CCL28: variants seen among roughly 807,000 people sequenced by gnomAD.
CCL28 encodes the protein C-C motif chemokine 28.
Under a neutral mutation model 7.1 loss-of-function variants are expected in CCL28, and 4 were observed. The observed-to-expected ratio is 0.56, with a 90% CI of 0.28 to 1.29. The LOEUF is 1.29. CCL28 is among the 50% of genes most tolerant of loss of function. The probability of loss-of-function intolerance (pLI) is 0.11; values close to 1 mark genes in which losing one functional copy is unlikely to be tolerated. For synonymous variants in CCL28, 55 were observed against 57.8 expected, an observed-to-expected ratio of 0.95 and a Z score of 0.22; for missense variants, 151 against 163.4, an observed-to-expected ratio of 0.92 and a Z score of 0.41.
intron 1 of CCL28, among the ~76,000 whole-genome samples, chr5:43,395,268 C>CA (rs1740752046): frequency 6.6e-6 from 1 of 151,274 alleles, no homozygotes; most frequent in African/African-American, 2.4e-5. Context: ...ATTTTATCCA[C>CA]AATTTCTACT....
intron 1 of CCL28, among the ~76,000 whole-genome samples, chr5:43,399,253 A>G (rs77568953): frequency 0.011 from 1,626 of 152,162 alleles, 14 homozygotes; most frequent in Non-Finnish European, 0.015. Flanking sequence ...ATTTTCCTTA[A>G]CACTTTTCAG....
chr5:43,371,233 T>A, the CCL28 span, among the ~76,000 whole-genome samples: 324 of 152,286 alleles, frequency 2.1e-3, 2 homozygotes, highest in African/African-American at 7.4e-3. Flanking sequence ...CACTACCTTC[T>A]CCCCAGAGTA....
chr5:43,403,376 C>T (rs1028923190), intron 1 of CCL28, among the ~76,000 whole-genome samples: 5 of 152,162 alleles, frequency 3.3e-5, no homozygotes, highest in Admixed American at 6.5e-5. Context: ...CTGCAGCCTC[C>T]GCTGGTGATA....
intron 1 of CCL28, among the ~76,000 whole-genome samples, chr5:43,406,296 A>C (rs1374336601): frequency 6.6e-6 from 1 of 152,094 alleles, no homozygotes; most frequent in African/African-American, 2.4e-5. Flanking sequence ...AAGCTTATCC[A>C]CCATGATCAA....
chr5:43,398,204 A>G (rs1740891711), intron 1 of CCL28, among the ~76,000 whole-genome samples: 1 of 135,164 alleles, frequency 7.4e-6, no homozygotes. Context: ...TACAATTAGC[A>G]ATTAGCAGAC....
At chr5:43,372,371 G>A (rs1353974237), downstream of CCL28, among the ~76,000 whole-genome samples, 3 of 152,008 alleles carry the variant, frequency 2.0e-5, no homozygotes, top group Admixed American at 6.6e-5. Flanking sequence ...TTTTTGTTTT[G>A]TTTGTTTGTT....
downstream of CCL28, among the ~76,000 whole-genome samples, chr5:43,374,706 A>G (rs1270206895): frequency 1.3e-5 from 2 of 150,034 alleles, no homozygotes; most frequent in Non-Finnish European, 3.0e-5. Context: ...GCTTGAACCT[A>G]GGAGGTGAAG....
the CCL28 span, among the ~76,000 whole-genome samples, chr5:43,370,941 C>A: frequency 6.6e-6 from 1 of 152,182 alleles, no homozygotes; most frequent in Admixed American, 6.5e-5. Flanking sequence ...GGGGTTTCAC[C>A]ACATTGGCCA....
chr5:43,376,349 T>C (rs907935135), downstream of CCL28, among the ~76,000 whole-genome samples: 23 of 152,178 alleles, frequency 1.5e-4, no homozygotes, highest in African/African-American at 5.3e-4. Context: ...TTTTTGGATG[T>C]CATCTGGTGG....
chr5:43,403,221 G>A (rs1426923272), intron 1 of CCL28, among the ~76,000 whole-genome samples: 19 of 152,192 alleles, frequency 1.2e-4, no homozygotes, highest in Admixed American at 1.1e-3. Context: ...CCTCAAGTGG[G>A]TCCCTGACCC....
At chr5:43,393,150 AACCAC>A (rs1740649897) in intron 1 of CCL28, among the ~76,000 whole-genome samples, 1 of 152,180 alleles carries the variant, frequency 6.6e-6, no homozygotes, top group South Asian at 2.1e-4. Flanking sequence ...AGGGCAAAGA[AACCAC>A]TTCCCCCTTT....
At chr5:43,378,356 A>G (rs1432152053), downstream of CCL28, among the ~76,000 whole-genome samples, 4 of 152,122 alleles carry the variant, frequency 2.6e-5, no homozygotes, top group East Asian at 7.7e-4. Flanking sequence ...GTCTCAAAAA[A>G]AAGGATTACA....
chr5:43,388,864 C>T (rs565330654), intron 1 of CCL28, among the ~76,000 whole-genome samples: 1 of 152,290 alleles, frequency 6.6e-6, no homozygotes, highest in African/African-American at 2.4e-5. Context: ...AGGCCCTGAG[C>T]TCTGCATTCA....
the CCL28 span, among the ~76,000 whole-genome samples, chr5:43,371,533 G>T: frequency 6.6e-6 from 1 of 152,208 alleles, no homozygotes; most frequent in African/African-American, 2.4e-5. Flanking sequence ...GCTATGTTGT[G>T]AGAATACTCA....
At chr5:43,366,979 G>A in the CCL28 span, among the ~76,000 whole-genome samples, 3 of 151,852 alleles carry the variant, frequency 2.0e-5, no homozygotes, top group African/African-American at 4.8e-5. Context: ...CACTGCATTT[G>A]TGTTTACACT....
At chr5:43,389,871 T>TG (rs1347986965) in intron 1 of CCL28, among the ~76,000 whole-genome samples, 4 of 152,142 alleles carry the variant, frequency 2.6e-5, no homozygotes, top group African/African-American at 9.7e-5. Flanking sequence ...GGAGAGAACA[T>TG]GGGAAGTTAG....
downstream of CCL28, among the ~76,000 whole-genome samples, chr5:43,373,445 C>A (rs1739827638): frequency 6.6e-6 from 1 of 152,184 alleles, no homozygotes; most frequent in East Asian, 1.9e-4. Context: ...GGATTACAGG[C>A]ATGTGCCACC....
downstream of CCL28, among the ~76,000 whole-genome samples, chr5:43,372,555 G>A (rs1739803497): frequency 6.6e-6 from 1 of 151,822 alleles, no homozygotes; most frequent in Non-Finnish European, 1.5e-5. Flanking sequence ...TTTTAGTAGA[G>A]ATGGGGTTTC....
At chr5:43,363,116 A>G in the CCL28 span, among the ~76,000 whole-genome samples, 1 of 152,172 alleles carries the variant, frequency 6.6e-6, no homozygotes. Flanking sequence ...TCCACCTGAT[A>G]GTCCAAGAAT....
Sources: allele counts gnomAD v4.1 joint callset (sites outside exome capture counted in the v4.1 genomes callset), GRCh38; gene constraint gnomAD v4.1.1; transcripts MANE v1.5; gene names NCBI Gene and HGNC (gene_info 2026-07-23, HGNC 2026-07-21).